INPP5D: variants seen among roughly 807,000 people sequenced by gnomAD.
INPP5D encodes phosphatidylinositol 3,4,5-trisphosphate 5-phosphatase 1.
Under a neutral mutation model 122.9 loss-of-function variants are expected in INPP5D, and 33 were observed. That is an observed-to-expected ratio of 0.27 (90% CI 0.20 to 0.36). The LOEUF is 0.36. Among genes scored for constraint, INPP5D ranks in the 10% least tolerant of loss-of-function variants. The probability of loss-of-function intolerance (pLI) is 1.00; values close to 1 mark genes in which losing one functional copy is unlikely to be tolerated. For missense variants in INPP5D, 1,053 were observed against 1,412.7 expected (o/e 0.75, Z 4.08); for synonymous variants, 584 against 576.2 (o/e 1.01, Z -0.19).
chr2:233,174,109 ACCT>A (rs1237975245), intron 17 of INPP5D, among the ~76,000 whole-genome samples: 1 of 152,224 alleles, frequency 6.6e-6, no homozygotes, highest in Non-Finnish European at 1.5e-5. Flanking sequence ...CTCCTGAAGG[ACCT>A]GCCTGAGGCT....
chr2:233,086,126 T>TTTCC (rs1465754383), intron 2 of INPP5D, among the ~76,000 whole-genome samples: 4 of 92,984 alleles, frequency 4.3e-5, no homozygotes, highest in African/African-American at 1.9e-4. Context: ...AGCCTCTTTC[T>TTTCC]TTCTTTCTTT....
chr2:233,088,409 C>T (rs144917423), intron 2 of INPP5D, among the ~76,000 whole-genome samples: 1 of 152,330 alleles, frequency 6.6e-6, no homozygotes, highest in Non-Finnish European at 1.5e-5. Flanking sequence ...TTGACGTCCA[C>T]GTGAGGCTGC....
chr2:233,060,577 C>A lies in INPP5D; in HGVS notation c.99C>A (p.Ser33Arg). 6.2e-7 allele frequency: 1 copy of A among 1,614,028 alleles called. No individual in the cohort carries two copies. The highest frequency in any genetic ancestry group is 8.5e-7 in the Non-Finnish European group (1 of 1,179,876). Reference sequence around the variant, plus strand: ...ACGGGAGCTTCCTCGTGCGTGCCAGCGAGTCCATCTCCCGGGCATACGCGC... The same window carrying A: ...ACGGGAGCTTCCTCGTGCGTGCCAGAGAGTCCATCTCCCGGGCATACGCGC... ...GKDGSFLVRASESISRAYALC... is the reference protein window; with the variant it reads ...GKDGSFLVRARESISRAYALC... Residue 33 changes from serine (S) to arginine (R), a missense_variant, in exon 1 of 27, where the codon AGC (serine) becomes AGA (arginine). Around this residue, in one of 6 missense-constraint regions of INPP5D, gnomAD observed 74 missense variants for 146.6 expected, o/e 0.50. Transcript: ENST00000445964.
chr2:233,082,874 C>A lies in INPP5D; in HGVS notation c.198+3476C>A, dbSNP rs1431878273. Among the ~76,000 whole-genome samples, 1 of 152,260 alleles carries A rather than the reference C, an allele frequency of 6.6e-6. No individual in the cohort carries two copies. The highest frequency in any genetic ancestry group is 1.5e-5 in the Non-Finnish European group (1 of 68,044). On this transcript the variant is annotated intron_variant, in intron 2 of 26. Transcript: ENST00000445964. The surrounding 1 kb of genome is among the most constrained non-coding windows in gnomAD (Gnocchi z 4.7). ...CTCCCGGCCTCCCCGGCTAAGCTTTCTTCCTTCCAATCCAGAAGGTGTTTC... is the reference window on the plus strand; with the variant it reads ...CTCCCGGCCTCCCCGGCTAAGCTTTATTCCTTCCAATCCAGAAGGTGTTTC...
intron 6 of INPP5D, among the ~76,000 whole-genome samples, chr2:233,145,099 G>A (rs1693723953): frequency 6.6e-6 from 1 of 152,012 alleles, no homozygotes; most frequent in South Asian, 2.1e-4. Context: ...AACTTAATAA[G>A]GTATTAATAA....
intron 17 of INPP5D, among the ~76,000 whole-genome samples, chr2:233,172,444 A>G (rs1014062135): frequency 6.6e-6 from 1 of 152,302 alleles, no homozygotes; most frequent in South Asian, 2.1e-4. Context: ...CGTTGTGCAC[A>G]TTCAGCTGAG....
chr2:233,117,620 C>T lies in INPP5D; in HGVS notation c.199-4487C>T, dbSNP rs563343233. Among the ~76,000 whole-genome samples the T allele has an allele frequency of 5.1e-4, 77 of 152,126 alleles. No individual in the cohort carries two copies. The South Asian group carries it at 5.4e-3, about 11-fold the overall frequency. Reference sequence around the variant, plus strand: ...CCCAGGGTGGTAACTACTATGAGTTCGGGGGGGCTGTACTGCCTGTTATTG... The same window carrying T: ...CCCAGGGTGGTAACTACTATGAGTTTGGGGGGGCTGTACTGCCTGTTATTG... On this transcript the variant is annotated intron_variant, in intron 2 of 26. Coordinates refer to ENST00000445964, the MANE Select transcript of INPP5D (RefSeq NM_001017915.3).
At chr2:233,161,633 C>T in intron 10 of INPP5D, 91 bp from the exon 11 acceptor site, 2 of 1,447,134 alleles carry the variant, frequency 1.4e-6, no homozygotes, top group South Asian at 1.4e-5. Context: ...ACGCTCCTCT[C>T]AGTTTTCTTG....
At chr2:233,187,035 T>C (rs187502075) in intron 21 of INPP5D, among the ~76,000 whole-genome samples, 1 of 152,088 alleles carries the variant, frequency 6.6e-6, no homozygotes, top group East Asian at 1.9e-4. Flanking sequence ...TTTTTTTAAA[T>C]TAGCCAGACA....
rs752710932 is a variant in INPP5D at position 233,130,657 on chromosome 2, T to C, written c.665+9T>C. 11 of 1,613,626 alleles carry C rather than the reference T, an allele frequency of 6.8e-6. No individual in the cohort carries two copies. The highest frequency in any genetic ancestry group is 8.5e-6 in the Non-Finnish European group (10 of 1,179,726). On this transcript the variant is annotated intron_variant, in intron 5 of 26. Transcript: ENST00000445964. The stretch of plus-strand genomic sequence containing the variant: ...TGCAAGGAGCTCTATGGGTAATGGC[T>C]GGCCCACGGGGGCGGGCAGGTGGGG...
intron 1 of INPP5D, among the ~76,000 whole-genome samples, chr2:233,073,013 G>A (rs1691421289): frequency 2.0e-5 from 3 of 152,224 alleles, no homozygotes; most frequent in South Asian, 2.1e-4. Context: ...TCCAGAGGTG[G>A]AGTTCTGTCC....
intron 2 of INPP5D, among the ~76,000 whole-genome samples, chr2:233,091,657 C>T (rs1274582401): frequency 6.6e-6 from 1 of 152,178 alleles, no homozygotes; most frequent in Non-Finnish European, 1.5e-5. Flanking sequence ...CTGAATAATT[C>T]AGGATCCTCT....
Position 233,122,179 on chromosome 2 carries a change from A to G in INPP5D, c.271A>G (p.Met91Val). The G allele has an allele frequency of 1.9e-6, 3 of 1,614,004 alleles. No individual in the cohort carries two copies. Among genetic ancestry groups the G allele is most frequent in the Non-Finnish European group, 2.5e-6 (3 of 1,179,882 alleles). ...CATCGAGTTTTACAAGAAGGAAAAC[A>G]TGGGGCTGGTGACCCATCTGCAATA... ...QLIEFYKKEN[M>V]GLVTHLQYPV... Residue 91 changes from methionine (M) to valine (V), a missense_variant, in exon 3 of 27, where the codon ATG (methionine) becomes GTG (valine). Met to Val is a conservative substitution (Grantham distance 21). Around this residue, in one of 6 missense-constraint regions of INPP5D, gnomAD observed 74 missense variants for 146.6 expected, o/e 0.50. Transcript: ENST00000445964.
At chr2:233,182,361 C>T (rs137934205) in intron 18 of INPP5D, 49 bp from the exon 19 acceptor site, 252 of 1,609,114 alleles carry the variant, frequency 1.6e-4, no homozygotes, top group African/African-American at 5.6e-4. Context: ...TTGGCCTGAC[C>T]GGAAGGGCTT....
At chr2:233,179,853 C>T (rs893654502) in intron 18 of INPP5D, among the ~76,000 whole-genome samples, 1 of 152,216 alleles carries the variant, frequency 6.6e-6, no homozygotes, top group African/African-American at 2.4e-5. Context: ...GCAGGCATAT[C>T]AGCTGTCTAT....
At position 233,113,149 on chromosome 2, in the gene INPP5D, C is replaced by T. The variant is rs370360422; in HGVS notation, c.199-8958C>T. Among the ~76,000 whole-genome samples, 37 of 152,274 alleles carry T rather than the reference C, an allele frequency of 2.4e-4. No individual in the cohort carries two copies. In the East Asian group the frequency reaches 5.2e-3, roughly 21 times the overall value. On this transcript the variant is annotated intron_variant, in intron 2 of 26. Coordinates refer to ENST00000445964, the MANE Select transcript of INPP5D (RefSeq NM_001017915.3). Reference sequence around the variant, plus strand: ...GGTAATCCCCTTCTTGGATTACATGCTTATTCCCCTGTGTATACCCTGCTT... The same window carrying T: ...GGTAATCCCCTTCTTGGATTACATGTTTATTCCCCTGTGTATACCCTGCTT...
chr2:233,170,104 C>T lies in INPP5D; in HGVS notation c.1731C>T (p.His577=). 1.2e-6 allele frequency: 2 copies of T among 1,614,072 alleles called. No individual in the cohort carries two copies. Among genetic ancestry groups the T allele is most frequent in the Non-Finnish European group, 8.5e-7 (1 of 1,179,896 alleles). Residue 577 remains histidine, a synonymous_variant, in exon 15 of 27, where the codon CAC becomes CAT. Coordinates refer to ENST00000445964, the MANE Select transcript of INPP5D (RefSeq NM_001017915.3). This position sits in a 1 kb window ranked among gnomAD's most constrained non-coding sequence, Gnocchi z 4.5. The stretch of plus-strand genomic sequence containing the variant: ...AGCTGAGTCCCTTTAACATCACTCA[C>T]CGCTTCACGCACCTCTTCTGGTTTG... ...DKKLSPFNIT[H]RFTHLFWFGD... is the part of the protein sequence containing the mutation.
chr2:233,195,290 A>G, intron 23 of INPP5D, 109 bp from the exon 24 acceptor site: 1 of 1,542,472 alleles, frequency 6.5e-7, no homozygotes, highest in Non-Finnish European at 8.8e-7. Context: ...CCAGGTACTC[A>G]CTATTCACTG....
chr2:233,061,984 A>G (rs1691089301), intron 1 of INPP5D, among the ~76,000 whole-genome samples: 1 of 152,252 alleles, frequency 6.6e-6, no homozygotes, highest in East Asian at 1.9e-4. Flanking sequence ...CCCCACCTCC[A>G]AAGACTGGTT....
Sources: allele counts gnomAD v4.1 joint callset (sites outside exome capture counted in the v4.1 genomes callset), GRCh38; gene constraint gnomAD v4.1.1; regional missense constraint gnomAD v4.1.1; non-coding constraint Gnocchi (gnomAD v3.1); transcripts MANE v1.5; gene names NCBI Gene and HGNC (gene_info 2026-07-23, HGNC 2026-07-21).